OSBPL10: variants seen among roughly 807,000 people sequenced by gnomAD.
OSBPL10 encodes the protein oxysterol-binding protein-related protein 10.
In OSBPL10, 49 loss-of-function variants were observed where a neutral mutation model predicts 81.7. The ratio of observed to expected loss-of-function variants is 0.60; its 90% CI spans 0.48 to 0.76. The LOEUF (loss-of-function observed/expected upper bound fraction) is 0.76, where lower values mean the gene tolerates loss of function less well. Among genes scored for constraint, OSBPL10 ranks in the 30% least tolerant of loss-of-function variants. OSBPL10 has a pLI of 0.00. For missense variants in OSBPL10, 923 were observed against 987.8 expected, an observed-to-expected ratio of 0.93 and a Z score of 0.88; for synonymous variants, 419 against 383.6, an observed-to-expected ratio of 1.09 and a Z score of -1.08.
chr3:32,075,627 T>C (rs562975877), intron 1 of OSBPL10, among the ~76,000 whole-genome samples: 4 of 152,316 alleles, frequency 2.6e-5, no homozygotes, highest in African/African-American at 9.6e-5. Context: ...TTTCCCACTG[T>C]AGGTTTCCAC....
At chr3:31,917,853 A>G (rs1696802222) in intron 1 of OSBPL10, among the ~76,000 whole-genome samples, 1 of 151,672 alleles carries the variant, frequency 6.6e-6, no homozygotes, top group Admixed American at 6.6e-5. Context: ...AAGGTGTTTG[A>G]GAGAAACAGA....
At chr3:31,892,303 G>T (rs1429353805) in intron 1 of OSBPL10, among the ~76,000 whole-genome samples, 1 of 152,168 alleles carries the variant, frequency 6.6e-6, no homozygotes, top group African/African-American at 2.4e-5. Context: ...TAAAGACGTA[G>T]GCAATGCAAA....
intron 2 of OSBPL10, among the ~76,000 whole-genome samples, chr3:32,039,791 T>C (rs1699554384): frequency 6.6e-6 from 1 of 152,168 alleles, no homozygotes; most frequent in African/African-American, 2.4e-5. Context: ...GAGAAATAGA[T>C]CATTTCCATA....
intron 1 of OSBPL10, among the ~76,000 whole-genome samples, chr3:31,903,055 CAA>C (rs1696296979): frequency 6.6e-6 from 1 of 152,132 alleles, no homozygotes; most frequent in South Asian, 2.1e-4. Context: ...TGCTATAGTC[CAA>C]AAGACACAGG....
Position 32,068,289 on chromosome 3 carries a change from T to C in OSBPL10, n.185+9107A>G, listed in dbSNP as rs564058974. Among the ~76,000 whole-genome samples the C allele has an allele frequency of 3.3e-5, 5 of 152,304 alleles. No homozygotes were observed. The South Asian group carries it at 8.3e-4, about 25-fold the overall frequency. Reference sequence around the variant, plus strand: ...TGCCTGATTATTCACCCACATTCCATTGGTGTCTGATCACCGCAGGGATGC... The same window carrying C: ...TGCCTGATTATTCACCCACATTCCACTGGTGTCTGATCACCGCAGGGATGC... On this transcript the variant is annotated intron_variant and non_coding_transcript_variant, in intron 1 of 3. Coordinates refer to the OSBPL10 transcript ENST00000479173.
rs1269401015 is a variant in OSBPL10 at position 31,898,028 on chromosome 3, A to G, written c.282-18198T>C. On this transcript the variant is annotated intron_variant, in intron 1 of 11. Coordinates refer to ENST00000396556, the MANE Select transcript of OSBPL10 (RefSeq NM_017784.5). ...TGTCAAAAAAAAAAAAAAAAAAAAA[A>G]AAAAAAAAACAGAAGAAGAAGAGAA... 1.8e-3 allele frequency among the ~76,000 whole-genome samples: 213 copies of G among 116,424 alleles called. 2 individuals carry two copies. The highest frequency in any genetic ancestry group is 9.4e-3 in the African/African-American group (205 of 21,698). 76.4% of individuals were successfully genotyped at this position (116,424 alleles called of 152,430 possible).
At chr3:32,017,630 C>T (rs781152575) in intron 2 of OSBPL10, among the ~76,000 whole-genome samples, 28 of 152,246 alleles carry the variant, frequency 1.8e-4, no homozygotes, top group Admixed American at 4.6e-4. Context: ...CACAAAGCCC[C>T]GGAAAGTACA....
intron 3 of OSBPL10, among the ~76,000 whole-genome samples, chr3:31,837,502 C>T (rs1248612273): frequency 6.6e-6 from 1 of 150,956 alleles, no homozygotes; most frequent in Non-Finnish European, 1.5e-5. Context: ...CAGTAACCAT[C>T]ATATTTAAGT....
At chr3:31,726,862 G>A (rs908977110) in intron 6 of OSBPL10, among the ~76,000 whole-genome samples, 3 of 147,564 alleles carry the variant, frequency 2.0e-5, no homozygotes, top group Non-Finnish European at 2.9e-5. Flanking sequence ...ATTATTTGCT[G>A]AGACTGGATC....
Position 31,675,862 on chromosome 3 carries a change from C to T in OSBPL10, c.1727-4879G>A, listed in dbSNP as rs1161833457. On this transcript the variant is annotated intron_variant, in intron 8 of 11. Coordinates refer to ENST00000396556, the MANE Select transcript of OSBPL10 (RefSeq NM_017784.5). ...TCGGGAGGCTGAGGCAGGAGAATGG[C>T]GTGAACCTGGGAGGCGGAGCTTGCA... Among the ~76,000 whole-genome samples, 8 of 148,112 alleles carry T rather than the reference C, an allele frequency of 5.4e-5. No individual in the cohort carries two copies. In the East Asian group the frequency reaches 8.3e-4, roughly 15 times the overall value.
intron 7 of OSBPL10, chr3:31,701,941 C>A: frequency 6.1e-6 from 1 of 164,006 alleles, no homozygotes; most frequent in Non-Finnish European, 1.3e-5. Context: ...AGAGTGGCGT[C>A]ATTCCTGGTG....
At chr3:31,861,233 G>GGAACATCCCATGGAACA (rs1701050772) in intron 3 of OSBPL10, among the ~76,000 whole-genome samples, 1 of 152,098 alleles carries the variant, frequency 6.6e-6, no homozygotes, top group Non-Finnish European at 1.5e-5. Context: ...TCCCCTTGGT[G>GGAACATCCCATGGAACA]TCCATGGGGG....
chr3:31,808,523 A>AG (rs147331263), intron 4 of OSBPL10, among the ~76,000 whole-genome samples: 2,168 of 152,348 alleles, frequency 0.014, 49 homozygotes, highest in African/African-American at 0.046. Flanking sequence ...GTGGACTGAG[A>AG]GGGCAAATCA....
At chr3:31,678,335 G>A (rs1375262911) in intron 8 of OSBPL10, among the ~76,000 whole-genome samples, 1 of 152,178 alleles carries the variant, frequency 6.6e-6, no homozygotes, top group Non-Finnish European at 1.5e-5. Flanking sequence ...TGAACATGCT[G>A]TGTAGAGGGA....
chr3:31,899,142 G>A (rs980217691), intron 1 of OSBPL10, among the ~76,000 whole-genome samples: 1 of 151,624 alleles, frequency 6.6e-6, no homozygotes, highest in African/African-American at 2.4e-5. Context: ...GGGTTTCACC[G>A]TGTTGCCCAG....
At chr3:32,001,178 G>A (rs183759840) in intron 2 of OSBPL10, among the ~76,000 whole-genome samples, 1 of 152,150 alleles carries the variant, frequency 6.6e-6, no homozygotes, top group Non-Finnish European at 1.5e-5. Flanking sequence ...TTTCAGGTGG[G>A]GTTCTGTGCT....
Position 31,674,076 on chromosome 3 carries a change from G to A in OSBPL10, c.1727-3093C>T, listed in dbSNP as rs181492109. ...GACTAAACAAACTCCTGTATAGGTT[G>A]GATATTTGACCCCCTCCAAAACTCA... On this transcript the variant is annotated intron_variant, in intron 8 of 11. Coordinates refer to ENST00000396556, the MANE Select transcript of OSBPL10 (RefSeq NM_017784.5). 2.0e-3 allele frequency among the ~76,000 whole-genome samples: 305 copies of A among 152,234 alleles called. 3 individuals are homozygous for A. The highest frequency in any genetic ancestry group is 7.0e-3 in the African/African-American group (289 of 41,546).
intron 1 of OSBPL10, among the ~76,000 whole-genome samples, chr3:31,899,277 AG>A (rs1202352208): frequency 7.2e-5 from 11 of 152,270 alleles, no homozygotes; most frequent in Non-Finnish European, 1.3e-4. Flanking sequence ...TGGATGGTAA[AG>A]TTTCAAGGGA....
chr3:31,794,589 C>T (rs1036835686), intron 4 of OSBPL10: 2 of 361,506 alleles, frequency 5.5e-6, no homozygotes, highest in South Asian at 3.1e-5. Flanking sequence ...GATGCCTGTA[C>T]TGTGACGTGA....
Sources: gnomAD v4.1 joint callset for allele counts (sites outside exome capture counted in the v4.1 genomes callset) on GRCh38, gnomAD v4.1.1 for gene constraint, MANE v1.5 for transcripts, NCBI Gene and HGNC (gene_info 2026-07-23, HGNC 2026-07-21) for gene names.